The following EYA4 variants were observed in gnomAD, a reference collection of about 807,000 sequenced individuals.
EYA4 encodes EYA transcriptional coactivator and phosphatase 4, also known as protein phosphatase EYA4.
EYA4 carries 31 observed loss-of-function variants against 87.9 expected under a neutral mutation model. That is an observed-to-expected ratio of 0.35 (90% CI 0.27 to 0.48). EYA4 has a LOEUF of 0.48. EYA4 is among the 20% of genes least tolerant of loss of function. The pLI, the probability that EYA4 is intolerant of heterozygous loss-of-function variation, is 0.99. For missense variants in EYA4, 678 were observed against 761.4 expected (o/e 0.89, Z 1.29); for synonymous variants, 263 against 270.6 (o/e 0.97, Z 0.28).
chr6:133,267,539 T>G (rs530724069), intron 1 of EYA4, among the ~76,000 whole-genome samples: 1 of 151,940 alleles, frequency 6.6e-6, no homozygotes, highest in Non-Finnish European at 1.5e-5. Flanking sequence ...CCCGCCACCA[T>G]GCCCGGCTAA....
chr6:133,516,565 A>T (rs761725780), intron 17 of EYA4, among the ~76,000 whole-genome samples: 2 of 151,574 alleles, frequency 1.3e-5, no homozygotes, highest in Non-Finnish European at 2.9e-5. Flanking sequence ...ACAAAAAAAA[A>T]AAAACAAAAT....
intron 2 of EYA4, among the ~76,000 whole-genome samples, chr6:133,345,756 G>A (rs904281725): frequency 2.6e-5 from 4 of 152,088 alleles, no homozygotes; most frequent in Non-Finnish European, 5.9e-5. Context: ...TTAGAAAGGG[G>A]TAAAGTAATA....
chr6:133,330,661 G>A (rs939104918), intron 2 of EYA4, among the ~76,000 whole-genome samples: 1 of 151,500 alleles, frequency 6.6e-6, no homozygotes, highest in East Asian at 1.9e-4. Flanking sequence ...TGTATGTTTA[G>A]CTGGTAATTT....
At chr6:133,468,423 A>G (rs1211534495) in intron 10 of EYA4, 143 bp from the exon 11 acceptor site, 13 of 734,170 alleles carry the variant, frequency 1.8e-5, no homozygotes, top group Non-Finnish European at 2.9e-5. Context: ...GTCTCTGCTC[A>G]TTAGGATCAC....
At chr6:133,367,950 A>T (rs1784979604) in intron 2 of EYA4, among the ~76,000 whole-genome samples, 1 of 152,184 alleles carries the variant, frequency 6.6e-6, no homozygotes, top group Admixed American at 6.5e-5. Flanking sequence ...GCACTCTGAG[A>T]TGGAAACCTC....
intron 17 of EYA4, among the ~76,000 whole-genome samples, chr6:133,518,378 G>T (rs988701381): frequency 6.6e-5 from 10 of 152,052 alleles, no homozygotes; most frequent in Admixed American, 6.6e-4. Flanking sequence ...TACATGCTAT[G>T]GAATTTGCTG....
intron 1 of EYA4, among the ~76,000 whole-genome samples, chr6:133,250,345 TAGAA>T (rs1399343639): frequency 2.0e-5 from 3 of 151,912 alleles, no homozygotes; most frequent in Non-Finnish European, 4.4e-5. Flanking sequence ...AGTGAGTAAG[TAGAA>T]AGAATATGGG....
intron 3 of EYA4, among the ~76,000 whole-genome samples, chr6:133,440,923 T>G (rs551647302): frequency 4.6e-5 from 7 of 152,212 alleles, no homozygotes; most frequent in Non-Finnish European, 7.3e-5. Flanking sequence ...CCTCTATGCA[T>G]TTCTTATGAT....
At chr6:133,296,015 C>G (rs151213320) in intron 2 of EYA4, among the ~76,000 whole-genome samples, 1 of 152,276 alleles carries the variant, frequency 6.6e-6, no homozygotes, top group Non-Finnish European at 1.5e-5. Flanking sequence ...GGTATTTGTA[C>G]TGTATTGCTG....
At chr6:133,515,512 T>A (rs904976190) in intron 17 of EYA4, 77 bp downstream of exon 17, 3 of 961,452 alleles carry the variant, frequency 3.1e-6, no homozygotes, top group Admixed American at 1.7e-5. Context: ...AAAAAATGTT[T>A]TAATTCCTAG....
intron 2 of EYA4, among the ~76,000 whole-genome samples, chr6:133,302,111 T>G (rs1779456436): frequency 6.6e-6 from 1 of 152,190 alleles, no homozygotes; most frequent in Non-Finnish European, 1.5e-5. Context: ...TTGAAAAGCC[T>G]TGGATGCCTA....
intron 2 of EYA4, among the ~76,000 whole-genome samples, chr6:133,373,804 G>A (rs1040887972): frequency 6.6e-5 from 10 of 151,988 alleles, no homozygotes; most frequent in African/African-American, 2.4e-4. Context: ...TTCTTTTAGC[G>A]CTTATGTATA....
chr6:133,516,260 A>G (rs1475412278), intron 17 of EYA4, among the ~76,000 whole-genome samples: 1 of 152,118 alleles, frequency 6.6e-6, no homozygotes, highest in Non-Finnish European at 1.5e-5. Flanking sequence ...GAGGAGGGAG[A>G]GAATCAGAAA....
intron 3 of EYA4, among the ~76,000 whole-genome samples, chr6:133,402,019 T>C (rs1788307995): frequency 6.6e-6 from 1 of 152,178 alleles, no homozygotes; most frequent in Non-Finnish European, 1.5e-5. Context: ...GGGAAGGAAC[T>C]GAGGAGTTGC....
At position 133,410,473 on chromosome 6, in the gene EYA4, C is replaced by T. The variant is rs1000785816; in HGVS notation, c.83+28032C>T. On this transcript the variant is annotated intron_variant, in intron 3 of 19. Transcript: ENST00000355286. ...TATATAAATCCAACTTAATTAAGGA[C>T]ATTGGATAATTACTATTAAGGTCAC... Among the ~76,000 whole-genome samples the T allele has an allele frequency of 1.9e-4, 29 of 149,598 alleles. No individual in the cohort carries two copies. The East Asian group carries it at 5.5e-3, about 28-fold the overall frequency.
chr6:133,457,798 T>C (rs1042428151), intron 6 of EYA4, among the ~76,000 whole-genome samples: 1 of 152,164 alleles, frequency 6.6e-6, no homozygotes, highest in African/African-American at 2.4e-5. Flanking sequence ...TTCTGCAAAA[T>C]AAATCTATAT....
At chr6:133,299,882 TAC>T (rs910829304) in intron 2 of EYA4, among the ~76,000 whole-genome samples, 6 of 150,876 alleles carry the variant, frequency 4.0e-5, no homozygotes, top group African/African-American at 7.3e-5. Flanking sequence ...TTTATATATA[TAC>T]ACACACACTT....
intron 11 of EYA4, among the ~76,000 whole-genome samples, chr6:133,475,959 C>A (rs191860089): frequency 4.6e-4 from 70 of 152,250 alleles, no homozygotes; most frequent in African/African-American, 1.6e-3. Context: ...TCAGTGAATT[C>A]TTTGGCCCTC....
At chr6:133,381,999 T>A (rs1173205073) in intron 2 of EYA4, among the ~76,000 whole-genome samples, 1 of 152,202 alleles carries the variant, frequency 6.6e-6, no homozygotes, top group Non-Finnish European at 1.5e-5. Flanking sequence ...GTGCTTTGCA[T>A]CAAAACCTGG....
Sources: gnomAD v4.1 joint callset for allele counts (sites outside exome capture counted in the v4.1 genomes callset) on GRCh38, gnomAD v4.1.1 for gene constraint, MANE v1.5 for transcripts, NCBI Gene and HGNC (gene_info 2026-07-23, HGNC 2026-07-21) for gene names.